RBFOX1: variants seen among roughly 807,000 people sequenced by gnomAD.
The protein encoded by RBFOX1 is RNA binding protein fox-1 homolog 1.
RBFOX1 carries 8 observed loss-of-function variants against 57.7 expected under a neutral mutation model. The ratio of observed to expected loss-of-function variants is 0.14; its 90% CI spans 0.08 to 0.25. RBFOX1 has a LOEUF of 0.25. Ranked by LOEUF, RBFOX1 falls within the 10% of genes least tolerant of loss-of-function variation. The pLI, the probability that RBFOX1 is intolerant of heterozygous loss-of-function variation, is 1.00. For synonymous variants in RBFOX1, 326 were observed against 222.4 expected, an observed-to-expected ratio of 1.47 and a Z score of -4.15; for missense variants, 611 against 548.5, an observed-to-expected ratio of 1.11 and a Z score of -1.14.
chr16:6,248,041 G>A (rs2152938788), intron 1 of RBFOX1, among the ~76,000 whole-genome samples: 1 of 152,262 alleles, frequency 6.6e-6, no homozygotes, highest in African/African-American at 2.4e-5. Context: ...AAGTACAAAA[G>A]GCCACTGTTC....
chr16:5,630,654 C>T (rs1325432066), intron 3 of RBFOX1, among the ~76,000 whole-genome samples: 2 of 152,106 alleles, frequency 1.3e-5, no homozygotes, highest in African/African-American at 4.8e-5. Flanking sequence ...CCCTCATCAA[C>T]CAGCGTTTCC....
chr16:6,780,009 A>ATATATT lies in RBFOX1; in HGVS notation c.-16+125364_-16+125365insTTATAT, dbSNP rs1567211329. Among the ~76,000 whole-genome samples, 11 of 25,946 alleles carry ATATATT rather than the reference A, an allele frequency of 4.2e-4. 1 individual carries two copies. The highest frequency in any genetic ancestry group is 1.4e-3 in the African/African-American group (7 of 5,084). 17.0% of individuals were successfully genotyped at this position (25,946 alleles called of 152,430 possible). On this transcript the variant is annotated intron_variant, in intron 3 of 15. Coordinates refer to ENST00000550418, the MANE Select transcript of RBFOX1 (RefSeq NM_018723.4). The stretch of plus-strand genomic sequence containing the variant: ...TATATTTATATATTTATATATATTT[A>ATATATT]TATATATTTATATATTTATATATAT...
chr16:6,887,803 C>G (rs1208136241), intron 3 of RBFOX1, among the ~76,000 whole-genome samples: 1 of 152,000 alleles, frequency 6.6e-6, no homozygotes, highest in Non-Finnish European at 1.5e-5. Flanking sequence ...GCTGGGTTTA[C>G]AGGCACTCGT....
chr16:6,657,971 C>T (rs1173309370), intron 3 of RBFOX1, among the ~76,000 whole-genome samples: 1 of 151,704 alleles, frequency 6.6e-6, no homozygotes, highest in Non-Finnish European at 1.5e-5. Context: ...ACTTCGTTTC[C>T]AGATATTCCA....
At chr16:5,735,081 T>C (rs1265996756) in intron 3 of RBFOX1, among the ~76,000 whole-genome samples, 1 of 152,216 alleles carries the variant, frequency 6.6e-6, no homozygotes, top group African/African-American at 2.4e-5. Flanking sequence ...CCATGCCTTG[T>C]GATCATATGG....
intron 4 of RBFOX1, among the ~76,000 whole-genome samples, chr16:7,278,964 C>A (rs1200749730): frequency 6.6e-6 from 1 of 151,886 alleles, no homozygotes; most frequent in African/African-American, 2.4e-5. Flanking sequence ...CTTTTTTTTC[C>A]TTCTTAAAAA....
chr16:5,694,595 C>A (rs569489763), intron 3 of RBFOX1, among the ~76,000 whole-genome samples: 2 of 152,224 alleles, frequency 1.3e-5, no homozygotes, highest in South Asian at 4.1e-4. Flanking sequence ...TCTAAGATCA[C>A]CACTGTGCTA....
At chr16:6,788,733 C>CCAGAGTGCTGGGATTACAGG (rs2082398567) in intron 3 of RBFOX1, among the ~76,000 whole-genome samples, 1 of 148,310 alleles carries the variant, frequency 6.7e-6, no homozygotes, top group African/African-American at 2.6e-5. Context: ...CCTCGGCCTC[C>CCAGAGTGCTGGGATTACAGG]CAGAGTGCTG....
chr16:7,554,450 G>A (rs1161677743), intron 5 of RBFOX1, among the ~76,000 whole-genome samples: 2 of 152,186 alleles, frequency 1.3e-5, no homozygotes, highest in Admixed American at 6.5e-5. Flanking sequence ...GTGGTAAAGA[G>A]CTGAACAGAG....
At chr16:6,190,514 G>T (rs1325322792) in intron 1 of RBFOX1, among the ~76,000 whole-genome samples, 1 of 152,140 alleles carries the variant, frequency 6.6e-6, no homozygotes. Context: ...GATAATAAAA[G>T]GACTTACTCC....
chr16:5,839,983 T>A (rs1199825401), intron 3 of RBFOX1, among the ~76,000 whole-genome samples: 1 of 152,146 alleles, frequency 6.6e-6, no homozygotes, highest in Non-Finnish European at 1.5e-5. Flanking sequence ...CATCTAACAG[T>A]GTCTGCCACA....
At chr16:7,167,256 G>T (rs1783929551) in intron 4 of RBFOX1, among the ~76,000 whole-genome samples, 1 of 151,882 alleles carries the variant, frequency 6.6e-6, no homozygotes, top group Non-Finnish European at 1.5e-5. Context: ...AAAGTGCTGG[G>T]ATTACAGGTG....
intron 1 of RBFOX1, among the ~76,000 whole-genome samples, chr16:5,286,364 G>C (rs534733995): frequency 6.6e-6 from 1 of 152,242 alleles, no homozygotes; most frequent in East Asian, 1.9e-4. Context: ...CAGGTGATGT[G>C]TGCAGGTTCT....
intron 4 of RBFOX1, among the ~76,000 whole-genome samples, chr16:7,469,284 G>A (rs1046209570): frequency 1.7e-4 from 26 of 151,668 alleles, no homozygotes; most frequent in Admixed American, 6.6e-4. Context: ...GGCTGGTCTC[G>A]AACCCCTGAC....
chr16:7,412,371 C>T lies in RBFOX1; in HGVS notation c.28-105776C>T, dbSNP rs912405904. 2.7e-5 allele frequency among the ~76,000 whole-genome samples: 4 copies of T among 146,794 alleles called. No homozygotes were observed. The East Asian group carries it at 8.1e-4, about 30-fold the overall frequency. On this transcript the variant is annotated intron_variant, in intron 4 of 15. Coordinates refer to ENST00000550418, the MANE Select transcript of RBFOX1 (RefSeq NM_018723.4). ...TAGAGGTTGCAGGGAGCCGAGATCGCACCAGTGCACTCCAGGCTGGGCAAC... is the reference window on the plus strand; with the variant it reads ...TAGAGGTTGCAGGGAGCCGAGATCGTACCAGTGCACTCCAGGCTGGGCAAC...
intron 5 of RBFOX1, among the ~76,000 whole-genome samples, chr16:7,548,865 C>A (rs1404224806): frequency 6.6e-6 from 1 of 152,172 alleles, no homozygotes; most frequent in Non-Finnish European, 1.5e-5. Context: ...TAGTTAGGGA[C>A]CCACTTCATT....
intron 2 of RBFOX1, among the ~76,000 whole-genome samples, chr16:6,607,617 C>G (rs563393720): frequency 6.6e-6 from 1 of 151,812 alleles, no homozygotes; most frequent in South Asian, 2.1e-4. Context: ...CTCTTTCTCT[C>G]TCTTCTTCCT....
chr16:5,305,487 C>T (rs567979980), intron 1 of RBFOX1, among the ~76,000 whole-genome samples: 58 of 152,120 alleles, frequency 3.8e-4, no homozygotes, highest in Non-Finnish European at 4.6e-4. Flanking sequence ...CCCTTGACTT[C>T]TTTAAAGACC....
intron 2 of RBFOX1, among the ~76,000 whole-genome samples, chr16:6,536,101 A>G (rs1255328693): frequency 6.6e-6 from 1 of 152,298 alleles, no homozygotes; most frequent in South Asian, 2.1e-4. Context: ...TTAATTACCA[A>G]TGCTTAGTAA....
Sources: gnomAD v4.1 joint callset for allele counts (sites outside exome capture counted in the v4.1 genomes callset) on GRCh38, gnomAD v4.1.1 for gene constraint, MANE v1.5 for transcripts, NCBI Gene and HGNC (gene_info 2026-07-23, HGNC 2026-07-21) for gene names.